The following TMEM132D variants were observed in gnomAD, a reference collection of about 807,000 sequenced individuals.
TMEM132D encodes the protein transmembrane protein 132D.
A neutral mutation model predicts 62.3 loss-of-function variants in TMEM132D; 21 were observed. The observed-to-expected ratio is 0.34, with a 90% confidence interval of 0.24 to 0.49. The LOEUF is 0.49. Ranked by LOEUF, TMEM132D falls within the 20% of genes least tolerant of loss-of-function variation. TMEM132D has a pLI of 0.99. For synonymous variants in TMEM132D, 621 were observed against 575.6 expected (o/e 1.08, Z -1.13); for missense variants, 1,346 against 1,402.8 (o/e 0.96, Z 0.65).
At chr12:129,345,488 T>G (rs923315743) in intron 3 of TMEM132D, among the ~76,000 whole-genome samples, 1 of 152,206 alleles carries the variant, frequency 6.6e-6, no homozygotes, top group Non-Finnish European at 1.5e-5. Flanking sequence ...GGTGTTTCTA[T>G]GTAATACTGG....
chr12:129,264,881 T>C (rs1880644701), intron 4 of TMEM132D, among the ~76,000 whole-genome samples: 2 of 152,052 alleles, frequency 1.3e-5, no homozygotes, highest in South Asian at 4.1e-4. Context: ...CACAAAGACA[T>C]AAGAATGATA....
At chr12:129,902,110 C>T (rs976025894) in intron 1 of TMEM132D, among the ~76,000 whole-genome samples, 4 of 152,174 alleles carry the variant, frequency 2.6e-5, no homozygotes, top group Non-Finnish European at 4.4e-5. Flanking sequence ...CTTTCTAAAT[C>T]GAACCATCAC....
At chr12:129,487,316 G>A (rs1274077125) in intron 3 of TMEM132D, among the ~76,000 whole-genome samples, 3 of 152,188 alleles carry the variant, frequency 2.0e-5, no homozygotes, top group Admixed American at 6.5e-5. Context: ...ACTGTGGTAC[G>A]ATGTTTGGCT....
intron 3 of TMEM132D, among the ~76,000 whole-genome samples, chr12:129,411,440 C>A (rs1209300512): frequency 2.6e-5 from 4 of 152,214 alleles, no homozygotes; most frequent in African/African-American, 9.7e-5. Context: ...GTGATCTTGA[C>A]TCACTGCAAC....
intron 4 of TMEM132D, among the ~76,000 whole-genome samples, chr12:129,326,336 G>A (rs1019696788): frequency 6.6e-6 from 1 of 152,166 alleles, no homozygotes; most frequent in Non-Finnish European, 1.5e-5. Context: ...CTCAGGCCTG[G>A]ATAAGCAAAG....
intron 3 of TMEM132D, among the ~76,000 whole-genome samples, chr12:129,508,076 CA>C (rs1875391697): frequency 6.6e-6 from 1 of 152,030 alleles, no homozygotes; most frequent in African/African-American, 2.4e-5. Context: ...ATGGGAACAG[CA>C]ATGGAAGCTC....
intron 2 of TMEM132D, among the ~76,000 whole-genome samples, chr12:129,607,826 G>C (rs980481252): frequency 3.3e-5 from 5 of 152,188 alleles, no homozygotes; most frequent in African/African-American, 1.2e-4. Context: ...CTAAGATATA[G>C]AGGCTGCTTG....
intron 1 of TMEM132D, among the ~76,000 whole-genome samples, chr12:129,737,065 C>T (rs180723243): frequency 2.7e-4 from 41 of 152,296 alleles, no homozygotes; most frequent in African/African-American, 9.9e-4. Context: ...ATCCGCCTGC[C>T]TCAGCATCCC....
At chr12:129,310,026 T>A (rs553891824) in intron 4 of TMEM132D, among the ~76,000 whole-genome samples, 1 of 152,000 alleles carries the variant, frequency 6.6e-6, no homozygotes, top group Admixed American at 6.6e-5. Flanking sequence ...AAAAAAGTGC[T>A]ACAGCCAGAA....
chr12:129,523,149 C>G (rs1483399915), intron 3 of TMEM132D, among the ~76,000 whole-genome samples: 2 of 152,132 alleles, frequency 1.3e-5, no homozygotes, highest in Non-Finnish European at 2.9e-5. Context: ...CTTATTGAAG[C>G]TGCAAGTTCA....
chr12:129,736,833 CT>C (rs1869443493), intron 1 of TMEM132D, among the ~76,000 whole-genome samples: 1 of 51,190 alleles, frequency 2.0e-5, no homozygotes, highest in Non-Finnish European at 3.8e-5. Flanking sequence ...TTTTTTTTTT[CT>C]GAGACAGAGT....
At chr12:129,570,441 A>G (rs1303946878) in intron 2 of TMEM132D, among the ~76,000 whole-genome samples, 1 of 152,218 alleles carries the variant, frequency 6.6e-6, no homozygotes, top group Non-Finnish European at 1.5e-5. Context: ...TCCAAGAATC[A>G]CTGGGAAAGA....
intron 1 of TMEM132D, among the ~76,000 whole-genome samples, chr12:129,866,506 T>A (rs576395218): frequency 6.6e-6 from 1 of 151,566 alleles, no homozygotes; most frequent in East Asian, 1.9e-4. Flanking sequence ...GACGAGTTAA[T>A]GAGTGCAGCA....
intron 3 of TMEM132D, among the ~76,000 whole-genome samples, chr12:129,395,343 G>GTCA: frequency 6.6e-6 from 1 of 152,252 alleles, no homozygotes; most frequent in East Asian, 1.9e-4. Context: ...CTGAAGTCCA[G>GTCA]TAACTAAGTA....
chr12:129,691,686 A>G (rs1228781320), intron 2 of TMEM132D, among the ~76,000 whole-genome samples: 1 of 152,184 alleles, frequency 6.6e-6, no homozygotes, highest in Non-Finnish European at 1.5e-5. Flanking sequence ...TAAGTATTCC[A>G]CATTGTATTC....
rs576975015 is a variant in TMEM132D at position 129,601,537 on chromosome 12, C to A, written c.969-70332G>T. Among the ~76,000 whole-genome samples, 9 of 152,332 alleles carry A rather than the reference C, an allele frequency of 5.9e-5. No individual in the cohort carries two copies. The South Asian group carries it at 1.9e-3, about 32-fold the overall frequency. ...ACATGCCTTCCTCACTAAGCTTAATCATTTCTAGCTTCTGATTTAAAATGT... is the reference window on the plus strand; with the variant it reads ...ACATGCCTTCCTCACTAAGCTTAATAATTTCTAGCTTCTGATTTAAAATGT... On this transcript the variant is annotated intron_variant, in intron 2 of 8. Transcript: ENST00000422113.
chr12:129,848,025 T>A (rs1873418493), intron 1 of TMEM132D, among the ~76,000 whole-genome samples: 1 of 152,026 alleles, frequency 6.6e-6, no homozygotes, highest in South Asian at 2.1e-4. Flanking sequence ...TTAAAAGCAC[T>A]TTATGTAAGT....
Position 129,779,434 on chromosome 12 carries a change from G to A in TMEM132D, c.80-78736C>T, listed in dbSNP as rs1369905348. Among the ~76,000 whole-genome samples the A allele has an allele frequency of 6.6e-6, 1 of 152,052 alleles. No individual in the cohort carries two copies. Among genetic ancestry groups the A allele is most frequent in the Non-Finnish European group, 1.5e-5 (1 of 68,016 alleles). ...CTCCCAAGTAGCAGGAACTGCAGGT[G>A]TCCACCCACCATGCCCAGCTAATAT... On this transcript the variant is annotated intron_variant, in intron 1 of 8. Transcript: ENST00000422113. This position sits in a 1 kb window ranked among gnomAD's most constrained non-coding sequence, Gnocchi z 4.1.
At chr12:129,541,906 C>T (rs902947723) in intron 2 of TMEM132D, among the ~76,000 whole-genome samples, 1 of 152,186 alleles carries the variant, frequency 6.6e-6, no homozygotes, top group Non-Finnish European at 1.5e-5. Context: ...TACCCCTTTT[C>T]CATCTCATCC....
Sources: allele counts gnomAD v4.1 joint callset (sites outside exome capture counted in the v4.1 genomes callset), GRCh38; gene constraint gnomAD v4.1.1; non-coding constraint Gnocchi (gnomAD v3.1); transcripts MANE v1.5; gene names NCBI Gene and HGNC (gene_info 2026-07-23, HGNC 2026-07-21).